The following TNKS variants were observed in gnomAD, a reference collection of about 807,000 sequenced individuals.
The protein encoded by TNKS is poly [ADP-ribose] polymerase tankyrase-1.
A neutral mutation model predicts 135.8 loss-of-function variants in TNKS; 72 were observed. The observed-to-expected ratio is 0.53, with a 90% CI of 0.44 to 0.64. TNKS has a LOEUF of 0.64. Among genes scored for constraint, TNKS ranks in the 30% least tolerant of loss-of-function variants. The pLI, the probability that TNKS is intolerant of heterozygous loss-of-function variation, is 0.00. For missense variants in TNKS, 1,769 were observed against 1,674.0 expected (o/e 1.06, Z -0.99); for synonymous variants, 849 against 649.3 (o/e 1.31, Z -4.68).
chr8:9,705,715 G>C (rs1244396001), intron 6 of TNKS, among the ~76,000 whole-genome samples: 1 of 152,070 alleles, frequency 6.6e-6, no homozygotes, highest in Non-Finnish European at 1.5e-5. Context: ...GTGTACAATA[G>C]GTGAGTCATC....
intron 26 of TNKS, among the ~76,000 whole-genome samples, chr8:9,772,776 T>G (rs1807988100): frequency 6.6e-6 from 1 of 150,664 alleles, no homozygotes. Context: ...ATATAACTTG[T>G]AAACGTTTTG....
At chr8:9,762,449 A>G (rs1477393023) in intron 21 of TNKS, among the ~76,000 whole-genome samples, 1 of 152,244 alleles carries the variant, frequency 6.6e-6, no homozygotes, top group Non-Finnish European at 1.5e-5. Context: ...AAGAGTTTTT[A>G]GAGGATAATT....
rs781739986 is a variant in TNKS, at chr8:9,642,910, T to A, written c.994+27233T>A. 6.1e-5 allele frequency among the ~76,000 whole-genome samples: 9 copies of A among 146,416 alleles called. 1 individual carries two copies. The highest frequency in any genetic ancestry group is 1.0e-4 in the African/African-American group (4 of 39,634). ...AGTACTGTATTTCTTTATGTACTAT[T>A]GTTATAAAGTAACTGATTATACTCT... is the stretch of plus-strand genomic sequence containing the variant. On this transcript the variant is annotated intron_variant, in intron 3 of 26. Transcript: ENST00000310430.
At position 9,643,133 on chromosome 8, in the gene TNKS, A is replaced by G. The variant is rs556515305; in HGVS notation, c.994+27456A>G. Among the ~76,000 whole-genome samples, 272 of 146,758 alleles carry G rather than the reference A, an allele frequency of 1.9e-3. 43 individuals carry two copies. The South Asian group carries it at 0.058, about 31-fold the overall frequency. On this transcript the variant is annotated intron_variant, in intron 3 of 26. Coordinates refer to ENST00000310430, the MANE Select transcript of TNKS (RefSeq NM_003747.3). ...TTTATTAAAAATTTACTCATTAGAC[A>G]TAATCTTGGAAAGAAATACATAAGA...
At chr8:9,635,832 G>A (rs1006818447) in intron 3 of TNKS, among the ~76,000 whole-genome samples, 5 of 152,090 alleles carry the variant, frequency 3.3e-5, no homozygotes, top group African/African-American at 4.8e-5. Context: ...AAAGACAAAG[G>A]CTGAGGAATT....
At chr8:9,669,832 A>C (rs1271821917) in intron 3 of TNKS, among the ~76,000 whole-genome samples, 1 of 151,372 alleles carries the variant, frequency 6.6e-6, no homozygotes, top group Non-Finnish European at 1.5e-5. Context: ...CAATTTGGTC[A>C]GGAAGAGTTT....
chr8:9,723,448 C>A (rs1805005961), intron 12 of TNKS, among the ~76,000 whole-genome samples: 1 of 152,042 alleles, frequency 6.6e-6, no homozygotes, highest in Non-Finnish European at 1.5e-5. Context: ...TAGAAACCTG[C>A]ACTTTCAACT....
At chr8:9,715,548 C>T (rs1489026618) in intron 11 of TNKS, among the ~76,000 whole-genome samples, 1 of 152,088 alleles carries the variant, frequency 6.6e-6, no homozygotes. Context: ...CCCCCATCTC[C>T]TCCCAGTGCC....
At chr8:9,746,807 C>A (rs893020158) in intron 17 of TNKS, among the ~76,000 whole-genome samples, 2 of 149,278 alleles carry the variant, frequency 1.3e-5, no homozygotes, top group African/African-American at 5.0e-5. Flanking sequence ...TGCACAATGT[C>A]TTTACTTTGA....
chr8:9,588,764 AT>A (rs1469869971), intron 2 of TNKS, among the ~76,000 whole-genome samples: 1 of 152,176 alleles, frequency 6.6e-6, no homozygotes, highest in Admixed American at 6.5e-5. Flanking sequence ...ACACGTGGCC[AT>A]TTATAAAGGT....
chr8:9,766,904 A>G (rs1197844229), intron 25 of TNKS, among the ~76,000 whole-genome samples: 2 of 152,190 alleles, frequency 1.3e-5, no homozygotes, highest in Non-Finnish European at 2.9e-5. Flanking sequence ...GACAGGAGCA[A>G]TAACAACAGA....
intron 3 of TNKS, among the ~76,000 whole-genome samples, chr8:9,649,252 G>T (rs9650637): frequency 2.0e-5 from 3 of 152,188 alleles, no homozygotes; most frequent in African/African-American, 7.2e-5. Flanking sequence ...TTTGACAGCA[G>T]TCAGTCAACC....
chr8:9,603,738 G>A (rs182610180), intron 2 of TNKS, among the ~76,000 whole-genome samples: 40 of 152,232 alleles, frequency 2.6e-4, no homozygotes, highest in South Asian at 4.1e-4. Context: ...GAATGTCACC[G>A]CTCATTCAGT....
intron 17 of TNKS, among the ~76,000 whole-genome samples, chr8:9,745,622 CT>C (rs1806194597): frequency 6.6e-6 from 1 of 152,110 alleles, no homozygotes; most frequent in Non-Finnish European, 1.5e-5. Context: ...CCAGGATGGT[CT>C]CAAACTCCTG....
intron 3 of TNKS, among the ~76,000 whole-genome samples, chr8:9,630,639 A>G (rs1800255139): frequency 6.6e-6 from 1 of 152,228 alleles, no homozygotes; most frequent in African/African-American, 2.4e-5. Flanking sequence ...AATTTCCTAT[A>G]ATAGAGTATG....
intron 3 of TNKS, among the ~76,000 whole-genome samples, chr8:9,635,673 G>A (rs1278025992): frequency 6.6e-6 from 1 of 152,204 alleles, no homozygotes; most frequent in Non-Finnish European, 1.5e-5. Context: ...TGTGCTGGCA[G>A]ATGTAATACC....
intron 3 of TNKS, among the ~76,000 whole-genome samples, chr8:9,616,591 A>G (rs1264218089): frequency 6.6e-6 from 1 of 152,210 alleles, no homozygotes; most frequent in Non-Finnish European, 1.5e-5. Flanking sequence ...AAATTTAGCA[A>G]AAATACTGAG....
chr8:9,642,097 C>A (rs1159193446), intron 3 of TNKS, among the ~76,000 whole-genome samples: 1 of 145,572 alleles, frequency 6.9e-6, no homozygotes, highest in South Asian at 2.2e-4. Flanking sequence ...ACTTTAGCGT[C>A]TAAAGAATCT....
intron 2 of TNKS, among the ~76,000 whole-genome samples, chr8:9,594,323 T>A (rs1369891619): frequency 6.6e-6 from 1 of 152,246 alleles, no homozygotes; most frequent in African/African-American, 2.4e-5. Context: ...CACACCTTGT[T>A]TTTTGTCTAT....
Sources: allele counts gnomAD v4.1 joint callset (sites outside exome capture counted in the v4.1 genomes callset), GRCh38; gene constraint gnomAD v4.1.1; transcripts MANE v1.5; gene names NCBI Gene and HGNC (gene_info 2026-07-23, HGNC 2026-07-21).